RALYL: variants seen among roughly 807,000 people sequenced by gnomAD.
The protein encoded by RALYL is RALY RNA binding protein like, also known as RNA-binding Raly-like protein.
A neutral mutation model predicts 35.1 loss-of-function variants in RALYL; 29 were observed. The observed-to-expected ratio is 0.83, with a 90% CI of 0.61 to 1.13. The LOEUF (loss-of-function observed/expected upper bound fraction) is 1.13, where lower values mean the gene tolerates loss of function less well. Ranked by LOEUF, RALYL falls within the 50% of genes most tolerant of loss-of-function variation. The pLI, the probability that RALYL is intolerant of heterozygous loss-of-function variation, is 0.00. For synonymous variants in RALYL, 120 were observed against 127.6 expected, an observed-to-expected ratio of 0.94 and a Z score of 0.40; for missense variants, 359 against 360.4, an observed-to-expected ratio of 1.00 and a Z score of 0.03.
chr8:84,200,692 G>T (rs1816634241), intron 1 of RALYL, among the ~76,000 whole-genome samples: 1 of 152,038 alleles, frequency 6.6e-6, no homozygotes, highest in African/African-American at 2.4e-5. Flanking sequence ...GATGATCTTG[G>T]TGATGTATTT....
At chr8:84,433,846 T>A (rs1227398837) in intron 1 of RALYL, among the ~76,000 whole-genome samples, 1 of 33,982 alleles carries the variant, frequency 2.9e-5, no homozygotes, top group Non-Finnish European at 5.3e-5. Flanking sequence ...TGTGTGTGTA[T>A]ATATATATAT....
At chr8:84,490,596 G>A (rs986330578) in intron 1 of RALYL, among the ~76,000 whole-genome samples, 5 of 151,924 alleles carry the variant, frequency 3.3e-5, no homozygotes, top group South Asian at 4.1e-4. Flanking sequence ...AGGAAGGCAG[G>A]GGCTAGAGGA....
At chr8:84,275,311 C>T (rs1835147071) in intron 1 of RALYL, among the ~76,000 whole-genome samples, 1 of 151,974 alleles carries the variant, frequency 6.6e-6, no homozygotes, top group South Asian at 2.1e-4. Context: ...TATTTCATAA[C>T]TGCACTGAGA....
chr8:84,273,475 G>A (rs1834733625), intron 1 of RALYL, among the ~76,000 whole-genome samples: 1 of 152,218 alleles, frequency 6.6e-6, no homozygotes, highest in African/African-American at 2.4e-5. Flanking sequence ...GAAGTAAACT[G>A]TTACCCCTGC....
intron 1 of RALYL, among the ~76,000 whole-genome samples, chr8:84,450,752 T>A (rs1435355978): frequency 6.6e-6 from 1 of 151,994 alleles, no homozygotes; most frequent in African/African-American, 2.4e-5. Context: ...AAATAACATC[T>A]TCTTAAGTCA....
intron 5 of RALYL, among the ~76,000 whole-genome samples, chr8:84,859,305 C>T (rs1837653692): frequency 6.6e-6 from 1 of 152,056 alleles, no homozygotes; most frequent in African/African-American, 2.4e-5. Flanking sequence ...AGGAGGGGCG[C>T]AAAGGGAGTA....
chr8:84,298,240 T>C, intron 1 of RALYL, among the ~76,000 whole-genome samples: 1 of 152,072 alleles, frequency 6.6e-6, no homozygotes, highest in Non-Finnish European at 1.5e-5. Flanking sequence ...ACAATTTCAA[T>C]CTCTTACACA....
chr8:84,376,609 C>T (rs1856961832), intron 1 of RALYL, among the ~76,000 whole-genome samples: 1 of 151,670 alleles, frequency 6.6e-6, no homozygotes, highest in South Asian at 2.1e-4. Context: ...CCTCAAATTA[C>T]TGGAATAAAA....
intron 2 of RALYL, among the ~76,000 whole-genome samples, chr8:84,733,389 G>A (rs1012871162): frequency 6.6e-6 from 1 of 152,038 alleles, no homozygotes; most frequent in Non-Finnish European, 1.5e-5. Context: ...GAACTGTAAG[G>A]TTCCTTTCCA....
intron 2 of RALYL, among the ~76,000 whole-genome samples, chr8:84,738,909 C>A (rs1043095362): frequency 6.6e-6 from 1 of 151,854 alleles, no homozygotes; most frequent in African/African-American, 2.4e-5. Context: ...GGACTTAATT[C>A]AAAAATTAAA....
chr8:84,588,528 T>C (rs1374755836), intron 2 of RALYL, among the ~76,000 whole-genome samples: 4 of 152,184 alleles, frequency 2.6e-5, no homozygotes, highest in African/African-American at 9.7e-5. Flanking sequence ...CAAATGTGAC[T>C]CACAAAAAAG....
intron 1 of RALYL, among the ~76,000 whole-genome samples, chr8:84,288,259 A>G (rs118117234): frequency 0.025 from 3,740 of 152,152 alleles, 96 homozygotes; most frequent in Non-Finnish European, 0.031. Context: ...CCACATCCGC[A>G]GGAATCAGCA....
At chr8:84,186,565 A>G (rs958657510) in intron 1 of RALYL, among the ~76,000 whole-genome samples, 6 of 152,144 alleles carry the variant, frequency 3.9e-5, no homozygotes, top group Non-Finnish European at 8.8e-5. Context: ...TTGCTGCCCT[A>G]AGGTTGAGGT....
intron 8 of RALYL, among the ~76,000 whole-genome samples, chr8:84,890,811 A>C (rs1843707239): frequency 2.0e-5 from 3 of 151,016 alleles, no homozygotes; most frequent in South Asian, 4.2e-4. Context: ...CAAAAAAAAA[A>C]CAATAAATAA....
chr8:84,727,378 A>T (rs1383263272), intron 2 of RALYL, among the ~76,000 whole-genome samples: 1 of 152,116 alleles, frequency 6.6e-6, no homozygotes, highest in Non-Finnish European at 1.5e-5. Flanking sequence ...CCCAAAATTG[A>T]TGAGTGTCTG....
chr8:84,315,674 T>C (rs570048182), intron 1 of RALYL, among the ~76,000 whole-genome samples: 1 of 152,130 alleles, frequency 6.6e-6, no homozygotes, highest in Non-Finnish European at 1.5e-5. Context: ...GTAGATTTTA[T>C]ATATTGAAGT....
intron 2 of RALYL, among the ~76,000 whole-genome samples, chr8:84,622,138 A>T (rs1821666621): frequency 6.6e-6 from 1 of 152,200 alleles, no homozygotes; most frequent in African/African-American, 2.4e-5. Flanking sequence ...CAAGACAAAC[A>T]TAGTAGTGAA....
At chr8:84,298,380 T>TCCATTGTCTATTGTGTTTGTATTTGTG in intron 1 of RALYL, among the ~76,000 whole-genome samples, 1 of 152,198 alleles carries the variant, frequency 6.6e-6, no homozygotes, top group South Asian at 2.1e-4. Flanking sequence ...TCTATTCGGT[T>TCCATTGTCTATTGTGTTTGTATTTGTG]CCATTGTCTA....
intron 5 of RALYL, among the ~76,000 whole-genome samples, chr8:84,853,367 T>C (rs373707331): frequency 6.6e-6 from 1 of 152,186 alleles, no homozygotes; most frequent in African/African-American, 2.4e-5. Flanking sequence ...AGATAGGTGA[T>C]AGATGGATGG....
Sources: allele counts gnomAD v4.1 joint callset (sites outside exome capture counted in the v4.1 genomes callset), GRCh38; gene constraint gnomAD v4.1.1; transcripts MANE v1.5; gene names NCBI Gene and HGNC (gene_info 2026-07-23, HGNC 2026-07-21).